Variants in LPP observed in about 807,000 individuals in gnomAD.
The protein encoded by LPP is LIM domain containing preferred translocation partner in lipoma, also known as lipoma-preferred partner.
LPP carries 38 observed loss-of-function variants against 60.4 expected under a neutral mutation model. The observed-to-expected ratio is 0.63, with a 90% CI of 0.49 to 0.83. The LOEUF (loss-of-function observed/expected upper bound fraction) is 0.83. Ranked by LOEUF, LPP falls within the 40% of genes least tolerant of loss-of-function variation. The probability of loss-of-function intolerance (pLI) is 0.00; values close to 1 mark genes in which losing one functional copy is unlikely to be tolerated. For missense variants in LPP, 902 were observed against 783.6 expected, an observed-to-expected ratio of 1.15 and a Z score of -1.80; for synonymous variants, 328 against 290.8, an observed-to-expected ratio of 1.13 and a Z score of -1.30.
At chr3:188,530,691 G>A (rs1237206291) in intron 6 of LPP, among the ~76,000 whole-genome samples, 1 of 152,038 alleles carries the variant, frequency 6.6e-6, no homozygotes, top group East Asian at 1.9e-4. Flanking sequence ...TATCACAATT[G>A]GTTTATTCCA....
intron 6 of LPP, among the ~76,000 whole-genome samples, chr3:188,608,260 A>C (rs992196941): frequency 6.6e-6 from 1 of 152,158 alleles, no homozygotes; most frequent in Non-Finnish European, 1.5e-5. Flanking sequence ...TTCATGACCA[A>C]TTGTCACAAA....
intron 8 of LPP, among the ~76,000 whole-genome samples, chr3:188,714,347 G>A (rs544003993): frequency 6.3e-4 from 96 of 152,290 alleles, no homozygotes; most frequent in African/African-American, 2.2e-3. Context: ...TCTGGACTTC[G>A]ATGTCACTGA....
intron 6 of LPP, among the ~76,000 whole-genome samples, chr3:188,580,655 C>T (rs1180758267): frequency 1.3e-5 from 2 of 152,174 alleles, no homozygotes; most frequent in African/African-American, 2.4e-5. Context: ...GCAGCAACAT[C>T]AGCACCCCTT....
At chr3:188,228,119 G>A (rs545165184) in intron 2 of LPP, among the ~76,000 whole-genome samples, 6 of 152,318 alleles carry the variant, frequency 3.9e-5, no homozygotes, top group African/African-American at 1.4e-4. Context: ...AAAGGCATCA[G>A]CCAGCTGCAC....
intron 6 of LPP, among the ~76,000 whole-genome samples, chr3:188,566,201 G>T (rs1832108688): frequency 6.6e-6 from 1 of 151,874 alleles, no homozygotes. Flanking sequence ...ACAAGACGAT[G>T]GAAAAGTGCT....
rs535557823 is a variant in LPP at position 188,557,433 on chromosome 3, A to G, written c.429+32646A>G. Among the ~76,000 whole-genome samples, 8 of 152,256 alleles carry G rather than the reference A, an allele frequency of 5.3e-5. No homozygotes were observed. In the South Asian group the frequency reaches 1.4e-3, roughly 28 times the overall value. ...TTTAGGAACTGTGTCCATGGACAGAATGAGATATCATGAGCAAATATCTGT... is the reference window on the plus strand; with the variant it reads ...TTTAGGAACTGTGTCCATGGACAGAGTGAGATATCATGAGCAAATATCTGT... On this transcript the variant is annotated intron_variant, in intron 6 of 11. Transcript: ENST00000617246.
At chr3:188,444,929 A>G (rs1460368998) in intron 4 of LPP, among the ~76,000 whole-genome samples, 4 of 152,226 alleles carry the variant, frequency 2.6e-5, no homozygotes, top group African/African-American at 9.6e-5. Context: ...AATCAAAACC[A>G]CAATGAGATA....
intron 9 of LPP, among the ~76,000 whole-genome samples, chr3:188,811,116 T>C (rs1371566260): frequency 6.6e-6 from 1 of 152,132 alleles, no homozygotes; most frequent in East Asian, 1.9e-4. Context: ...ATATAATGAT[T>C]TCAGTAAATT....
chr3:188,476,133 T>G (rs1260141651), intron 4 of LPP, among the ~76,000 whole-genome samples: 1 of 152,276 alleles, frequency 6.6e-6, no homozygotes, highest in East Asian at 1.9e-4. Flanking sequence ...CATGTGATAT[T>G]CCGTTTGATT....
At chr3:188,437,425 TC>T (rs1298079556) in intron 4 of LPP, among the ~76,000 whole-genome samples, 3 of 152,204 alleles carry the variant, frequency 2.0e-5, no homozygotes, top group Non-Finnish European at 4.4e-5. Context: ...TTTGTGGACT[TC>T]AGGTAAGTTT....
intron 4 of LPP, among the ~76,000 whole-genome samples, chr3:188,438,485 G>A (rs1394173642): frequency 6.6e-6 from 1 of 151,884 alleles, no homozygotes; most frequent in Non-Finnish European, 1.5e-5. Flanking sequence ...GCCCCAACCA[G>A]TGAAATAACT....
rs574029017 is a variant in LPP at position 188,886,059 on chromosome 3, C to A, written c.*11580C>A. The A allele has an allele frequency of 5.9e-5, 9 of 151,856 alleles. No individual in the cohort carries two copies. The highest frequency in any genetic ancestry group is 1.7e-4 in the African/African-American group (7 of 41,408). 9.4% of individuals were successfully genotyped at this position (151,856 alleles called of 1,614,324 possible). A position where few individuals can be genotyped will look rare whatever the true frequency, so the allele number is the denominator to read the frequency against. The stretch of plus-strand genomic sequence containing the variant: ...AGTAAACTATCTCAAGGACAAAAAA[C>A]CAAACACCACATGTTCTCACTCACA... On this transcript the variant is annotated 3_prime_UTR_variant, in exon 12 of 12. Coordinates refer to ENST00000617246, the MANE Select transcript of LPP (RefSeq NM_001375462.1).
chr3:188,315,556 T>C (rs1218162364), intron 2 of LPP, among the ~76,000 whole-genome samples: 1 of 152,192 alleles, frequency 6.6e-6, no homozygotes, highest in African/African-American at 2.4e-5. Context: ...TGCCTTAAGT[T>C]TTGCTAAATA....
chr3:188,378,815 G>A (rs942592719), intron 3 of LPP, among the ~76,000 whole-genome samples: 19 of 152,266 alleles, frequency 1.2e-4, no homozygotes, highest in African/African-American at 4.3e-4. Context: ...CCCTCTGGGA[G>A]CTGTAGACTG....
intron 1 of LPP, among the ~76,000 whole-genome samples, chr3:188,203,523 A>ATATATATT (rs1560107457): frequency 5.7e-5 from 2 of 35,232 alleles, no homozygotes; most frequent in East Asian, 5.2e-4. Context: ...TTAAATATAT[A>ATATATATT]TAAATATATA....
At chr3:188,651,544 C>G (rs575041169) in intron 7 of LPP, among the ~76,000 whole-genome samples, 16 of 152,254 alleles carry the variant, frequency 1.1e-4, no homozygotes, top group Admixed American at 9.8e-4. Context: ...AAAGACATAC[C>G]TGAGACTGGA....
intron 6 of LPP, among the ~76,000 whole-genome samples, chr3:188,599,315 T>C (rs1840603114): frequency 6.6e-6 from 1 of 152,146 alleles, no homozygotes; most frequent in Non-Finnish European, 1.5e-5. Context: ...TCTGATGATA[T>C]GCTAGCTTTA....
intron 7 of LPP, among the ~76,000 whole-genome samples, chr3:188,649,340 A>G (rs2148944715): frequency 6.6e-6 from 1 of 152,298 alleles, no homozygotes; most frequent in East Asian, 1.9e-4. Context: ...CCTTGGACAA[A>G]GGGGTTAGGA....
chr3:188,290,513 G>A (rs1249964249), intron 2 of LPP, among the ~76,000 whole-genome samples: 1 of 152,038 alleles, frequency 6.6e-6, no homozygotes, highest in African/African-American at 2.4e-5. Flanking sequence ...TGCTTCAGTG[G>A]TAGCACTTAC....
Sources: allele counts gnomAD v4.1 joint callset (sites outside exome capture counted in the v4.1 genomes callset), GRCh38; gene constraint gnomAD v4.1.1; transcripts MANE v1.5; gene names NCBI Gene and HGNC (gene_info 2026-07-23, HGNC 2026-07-21).